The following FNDC4 variants were observed in gnomAD, a reference collection of about 807,000 sequenced individuals.
FNDC4 encodes the protein fibronectin type III domain containing 4.
Under a neutral mutation model 25.1 loss-of-function variants are expected in FNDC4, and 11 were observed. The ratio of observed to expected loss-of-function variants is 0.44; its 90% CI spans 0.28 to 0.73. The LOEUF (loss-of-function observed/expected upper bound fraction) is 0.73, where lower values mean the gene tolerates loss of function less well. Among genes scored for constraint, FNDC4 ranks in the 30% least tolerant of loss-of-function variants. The probability of loss-of-function intolerance (pLI) is 0.16; values close to 1 mark genes in which losing one functional copy is unlikely to be tolerated. For synonymous variants in FNDC4, 136 were observed against 118.8 expected, an observed-to-expected ratio of 1.14 and a Z score of -0.94; for missense variants, 250 against 304.3, an observed-to-expected ratio of 0.82 and a Z score of 1.33.
At position 27,494,084 on chromosome 2, in the gene FNDC4, G is replaced by A. The variant is rs902486387; in HGVS notation, c.300C>T (p.Thr100=). The part of the protein sequence containing the change: ...QRVIREVNTT[T]RACALWGLAE... ...CCAGGCCCCAGAGGGCACAGGCCCG[G>A]GTGGTGGTGTTCACCTCCCGAATCA... The change falls in exon 4 of 7, where the codon ACC becomes ACT. Residue 100 remains threonine, a synonymous_variant. Coordinates refer to ENST00000264703, the MANE Select transcript of FNDC4 (RefSeq NM_022823.3). The surrounding 1 kb of genome is among the most constrained non-coding windows in gnomAD (Gnocchi z 4.6). The A allele has an allele frequency of 4.3e-6, 7 of 1,614,174 alleles. No homozygotes were observed. In the East Asian group the frequency reaches 1.6e-4, roughly 36 times the overall value.
chr2:27,493,867 GAAGT>G (rs749858488), intron 4 of FNDC4, 59 bp downstream of exon 4: 18 of 1,433,376 alleles, frequency 1.3e-5, no homozygotes, highest in Middle Eastern at 1.8e-4. Flanking sequence ...TTGTCTTGGG[GAAGT>G]AAGTAAGAGG....
chr2:27,493,369 C>G lies in FNDC4; in HGVS notation c.544+20G>C. 1 of 1,603,140 alleles carries G rather than the reference C, an allele frequency of 6.2e-7. No individual in the cohort carries two copies. Among genetic ancestry groups the G allele is most frequent in the Non-Finnish European group, 8.5e-7 (1 of 1,170,196 alleles). ...ACACCTTTACTGAGTCCCTGGTCCC[C>G]TGTCTAGCTGCTTACTCACCAGCCC... is the stretch of plus-strand genomic sequence containing the variant. On this transcript the variant is annotated intron_variant, in intron 5 of 6. Coordinates refer to ENST00000264703, the MANE Select transcript of FNDC4 (RefSeq NM_022823.3).
Position 27,494,908 on chromosome 2 carries a change from C to T in FNDC4, c.-55G>A. On this transcript the variant is annotated 5_prime_UTR_variant, in exon 1 of 7. Transcript: ENST00000264703. The surrounding 1 kb of genome is among the most constrained non-coding windows in gnomAD (Gnocchi z 4.6). ...CCGGTCCTCGCGGTTGGTCAGGCCT[C>T]GGGGGGCTGCTCGGTGCCCAGAGGG... 2 of 452,982 alleles carry T rather than the reference C, an allele frequency of 4.4e-6. No homozygotes were observed. The highest frequency in any genetic ancestry group is 3.7e-5 in the East Asian group (1 of 27,024). The allele number at this position is 452,982 out of a possible 1,614,324, so 28.1% of individuals were successfully genotyped here. A position where few individuals can be genotyped will look rare whatever the true frequency, so the allele number is the denominator to read the frequency against.
At position 27,494,228 on chromosome 2, in the gene FNDC4, G is replaced by A. The variant is rs1669325914; in HGVS notation, c.250-94C>T. On this transcript the variant is annotated intron_variant, in intron 3 of 6. Coordinates refer to ENST00000264703, the MANE Select transcript of FNDC4 (RefSeq NM_022823.3). The surrounding 1 kb of genome is among the most constrained non-coding windows in gnomAD (Gnocchi z 4.6). ...CTCTTCAACATCCAAGCACTCCGGG[G>A]GAGTAGCGTGAAAAGGGCAGCCTGA... 7.0e-7 allele frequency: 1 copy of A among 1,421,678 alleles called. No individual in the cohort carries two copies. The highest frequency in any genetic ancestry group is 9.8e-7 in the Non-Finnish European group (1 of 1,021,638). The allele number at this position is 1,421,678 out of a possible 1,614,324, so 88.1% of individuals were successfully genotyped here.
In FNDC4 at chr2:27,494,904, G is replaced by T. The variant is rs2148575437; in HGVS notation, c.-51C>A. The stretch of plus-strand genomic sequence containing the variant: ...TCCGCCGGTCCTCGCGGTTGGTCAG[G>T]CCTCGGGGGGCTGCTCGGTGCCCAG... On this transcript the variant is annotated 5_prime_UTR_variant, in exon 1 of 7. Coordinates refer to ENST00000264703, the MANE Select transcript of FNDC4 (RefSeq NM_022823.3). This position sits in a 1 kb window ranked among gnomAD's most constrained non-coding sequence, Gnocchi z 4.6. 2.0e-5 allele frequency: 9 copies of T among 458,318 alleles called. No individual in the cohort carries two copies. In the South Asian group the frequency reaches 3.7e-4, roughly 19 times the overall value. The allele number at this position is 458,318 out of a possible 1,614,324, so 28.4% of individuals were successfully genotyped here.
intron 4 of FNDC4, 128 bp from the exon 5 acceptor site, chr2:27,493,606 GCCCCTC>G: frequency 3.6e-6 from 3 of 834,430 alleles, no homozygotes; most frequent in Non-Finnish European, 4.0e-6. Context: ...GTGTAGGGTA[GCCCCTC>G]CCTGGGAGGA....
Position 27,494,688 on chromosome 2 carries a change from C to A in FNDC4, c.-9G>T. The A allele has an allele frequency of 6.5e-7, 1 of 1,531,874 alleles. No individual in the cohort carries two copies. The allele number at this position is 1,531,874 out of a possible 1,614,324, so 94.9% of individuals were successfully genotyped here. On this transcript the variant is annotated 5_prime_UTR_variant, in exon 2 of 7. An upstream start codon of the reference 5' UTR is lost. Transcript: ENST00000264703. This position sits in a 1 kb window ranked among gnomAD's most constrained non-coding sequence, Gnocchi z 4.6. ...TGGCATCCGCTTGGCATCCGCTTGA[C>A]ATCCAGGCGGGGCTCCTGGAGATGG...
In FNDC4 at chr2:27,494,633, TC is replaced by T; in HGVS notation, c.46del (p.Asp16ThrfsTer12). ...HSSPPSGLRG[D>X]MASLVPLSPY... ...GGAAAGGGGCACCAGCGAAGCCATG[TC>T]CCCACGGAGTCCGCTGGGGGGGGAA... On this transcript the variant is annotated frameshift_variant, in exon 2 of 7. Coordinates refer to ENST00000264703, the MANE Select transcript of FNDC4 (RefSeq NM_022823.3). LOFTEE classifies it high-confidence loss of function. This position sits in a 1 kb window ranked among gnomAD's most constrained non-coding sequence, Gnocchi z 4.6. 2.5e-6 allele frequency: 4 copies of T among 1,600,690 alleles called. No homozygotes were observed. The highest frequency in any genetic ancestry group is 3.4e-6 in the Non-Finnish European group (4 of 1,174,624).
chr2:27,492,439 T>C lies in FNDC4; in HGVS notation c.*4A>G. On this transcript the variant is annotated 3_prime_UTR_variant, in exon 7 of 7. Transcript: ENST00000264703. The surrounding 1 kb of genome is among the most constrained non-coding windows in gnomAD (Gnocchi z 4.1). The stretch of plus-strand genomic sequence containing the variant: ...GCATCTCTCTTCTGGGTGTGTTTCT[T>C]CACTCAAACGTCGATGGTGTTGATA... 1 of 1,614,164 alleles carries C rather than the reference T, an allele frequency of 6.2e-7. No individual in the cohort carries two copies. The highest frequency in any genetic ancestry group is 8.5e-7 in the Non-Finnish European group (1 of 1,180,010).
In FNDC4 at chr2:27,494,659, A is replaced by T; in HGVS notation, c.21T>A (p.Ser7Arg). 2 of 1,569,914 alleles carry T rather than the reference A, an allele frequency of 1.3e-6. No homozygotes were observed. MPSGCHSSPPSGLRGDM... is the reference protein window; with the variant it reads MPSGCHRSPPSGLRGDM... ...CCCCACGGAGTCCGCTGGGGGGGGA[A>T]CTGTGGCATCCGCTTGGCATCCGCT... is the stretch of plus-strand genomic sequence containing the variant. Residue 7 changes from serine to arginine, a missense_variant, in exon 2 of 7, where the codon AGT becomes AGA. Physicochemically the swap from Ser to Arg is moderately radical, Grantham distance 110. Coordinates refer to ENST00000264703, the MANE Select transcript of FNDC4 (RefSeq NM_022823.3). The surrounding 1 kb of genome is among the most constrained non-coding windows in gnomAD (Gnocchi z 4.6).
chr2:27,492,340 T>A lies in FNDC4; in HGVS notation c.*103A>T, dbSNP rs8395. ...CAGGCCTGAGATTGTGGGAGTGGCA[T>A]TACCCTCTGGGAGTCTCGGGCAGAT... is the stretch of plus-strand genomic sequence containing the variant. On this transcript the variant is annotated 3_prime_UTR_variant, in exon 7 of 7. Transcript: ENST00000264703. This position sits in a 1 kb window ranked among gnomAD's most constrained non-coding sequence, Gnocchi z 4.1. 0.39 allele frequency: 546,839 copies of A among 1,402,616 alleles called. 110,556 individuals carry two copies. The highest frequency in any genetic ancestry group is 0.52 in the Admixed American group (30,991 of 59,466). The allele number at this position is 1,402,616 out of a possible 1,614,324, so 86.9% of individuals were successfully genotyped here.
In FNDC4 at chr2:27,492,535, T is replaced by C. The variant is rs2148573523; in HGVS notation, c.670-57A>G. 6 of 1,594,910 alleles carry C rather than the reference T, an allele frequency of 3.8e-6. No homozygotes were observed. In the East Asian group the frequency reaches 1.1e-4, roughly 30 times the overall value. ...CAGGAAGGTAATAGGTGCCACCCTTTCTCTCCAGCCTCCCCCATCCCAGAT... is the reference window on the plus strand; with the variant it reads ...CAGGAAGGTAATAGGTGCCACCCTTCCTCTCCAGCCTCCCCCATCCCAGAT... On this transcript the variant is annotated intron_variant, in intron 6 of 6. Coordinates refer to ENST00000264703, the MANE Select transcript of FNDC4 (RefSeq NM_022823.3). The surrounding 1 kb of genome is among the most constrained non-coding windows in gnomAD (Gnocchi z 4.1).
At chr2:27,493,368 C>T in intron 5 of FNDC4, 21 bp downstream of exon 5, 1 of 1,600,194 alleles carries the variant, frequency 6.2e-7, no homozygotes, top group Non-Finnish European at 8.6e-7. Flanking sequence ...TCCCTGGTCC[C>T]CTGTCTAGCT....
rs1558429998 is a variant in FNDC4 at position 27,494,278 on chromosome 2, C to T, written c.249+73G>A. On this transcript the variant is annotated intron_variant, in intron 3 of 6. Transcript: ENST00000264703. This position sits in a 1 kb window ranked among gnomAD's most constrained non-coding sequence, Gnocchi z 4.6. ...AGCCAGGATACGCCAGCTTCCAGAT[C>T]CCCCCCACTTAAGTGAAGAAATGTG... 3.5e-6 allele frequency: 5 copies of T among 1,420,664 alleles called. No homozygotes were observed. The South Asian group carries it at 3.5e-5, about 10-fold the overall frequency. The allele number at this position is 1,420,664 out of a possible 1,614,324, so 88.0% of individuals were successfully genotyped here. A position where few individuals can be genotyped will look rare whatever the true frequency, so the allele number is the denominator to read the frequency against.
At position 27,494,770 on chromosome 2, in the gene FNDC4, G is replaced by T. The variant is rs1334886553; in HGVS notation, c.-24-67C>A. ...AACGCACGGAGGTCGGGGGGCAGCA[G>T]CTCTCCTGGGCTCCCCACAGCTCAC... On this transcript the variant is annotated intron_variant, in intron 1 of 6. Coordinates refer to ENST00000264703, the MANE Select transcript of FNDC4 (RefSeq NM_022823.3). This position sits in a 1 kb window ranked among gnomAD's most constrained non-coding sequence, Gnocchi z 4.6. 8 of 675,806 alleles carry T rather than the reference G, an allele frequency of 1.2e-5. No individual in the cohort carries two copies. Among genetic ancestry groups the T allele is most frequent in the Non-Finnish European group, 2.0e-5 (8 of 403,552 alleles). The allele number at this position is 675,806 out of a possible 1,614,324, so 41.9% of individuals were successfully genotyped here. A position where few individuals can be genotyped will look rare whatever the true frequency, so the allele number is the denominator to read the frequency against.
Position 27,492,575 on chromosome 2 carries a change from CT to C in FNDC4, c.669+90del. The C allele has an allele frequency of 1.9e-6, 3 of 1,601,496 alleles. No homozygotes were observed. In the Admixed American group the frequency reaches 5.0e-5, roughly 27 times the overall value. Reference sequence around the variant, plus strand: ...CCATCCCAGATCTTCCATTCTCCATCTTTTTCTGCCCCTCTTTGACCTTCTT... The same window carrying C: ...CCATCCCAGATCTTCCATTCTCCATCTTTTCTGCCCCTCTTTGACCTTCTT... On this transcript the variant is annotated intron_variant, in intron 6 of 6. Coordinates refer to ENST00000264703, the MANE Select transcript of FNDC4 (RefSeq NM_022823.3). This position sits in a 1 kb window ranked among gnomAD's most constrained non-coding sequence, Gnocchi z 4.1.
At position 27,492,305 on chromosome 2, in the gene FNDC4, G is replaced by A; in HGVS notation, c.*138C>T. On this transcript the variant is annotated 3_prime_UTR_variant, in exon 7 of 7. Coordinates refer to ENST00000264703, the MANE Select transcript of FNDC4 (RefSeq NM_022823.3). The surrounding 1 kb of genome is among the most constrained non-coding windows in gnomAD (Gnocchi z 4.1). The stretch of plus-strand genomic sequence containing the variant: ...TCTGGCTCTGCTCACAGTGGAAAGA[G>A]GATGGGTACCAGGCCTGAGATTGTG... 4 of 1,053,246 alleles carry A rather than the reference G, an allele frequency of 3.8e-6. No homozygotes were observed. Among genetic ancestry groups the A allele is most frequent in the Non-Finnish European group, 5.9e-6 (4 of 678,740 alleles). 65.2% of individuals were successfully genotyped at this position (1,053,246 alleles called of 1,614,324 possible). A position where few individuals can be genotyped will look rare whatever the true frequency, so the allele number is the denominator to read the frequency against.
rs1395694493 is a variant in FNDC4 at position 27,493,952 on chromosome 2, T to C, written c.432A>G (p.Leu144=). 4 of 1,614,220 alleles carry C rather than the reference T, an allele frequency of 2.5e-6. No individual in the cohort carries two copies. In the East Asian group the frequency reaches 6.7e-5, roughly 27 times the overall value. Residue 144 remains leucine, a synonymous_variant, in exon 4 of 7, where the codon CTA becomes CTG. Coordinates refer to ENST00000264703, the MANE Select transcript of FNDC4 (RefSeq NM_022823.3). ...HFRTLKGSDR[L]PSNSSSPGDI... ...CACCTGGGCTTGAACTGTTTGAAGG[T>C]AGCCGGTCAGAACCCTTGAGAGTTC... is the stretch of plus-strand genomic sequence containing the variant.
At position 27,494,380 on chromosome 2, in the gene FNDC4, T is replaced by C. The variant is rs1572854672; in HGVS notation, c.220A>G (p.Ile74Val). The C allele has an allele frequency of 6.2e-7, 1 of 1,613,876 alleles. No individual in the cohort carries two copies. Among genetic ancestry groups the C allele is most frequent in the Non-Finnish European group, 8.5e-7 (1 of 1,179,748 alleles). ...TVSWDVPEGN[I>V]VIGYSISQQR... is the part of the protein sequence containing the mutation. ...TGGGAAATGGAGTAGCCAATGACGA[T>C]GTTGCCTTCTGGGACGTCCCAGGAC... The change falls in exon 3 of 7, where the codon ATC becomes GTC. Residue 74 changes from isoleucine (I) to valine (V), a missense_variant. Ile to Val is a conservative substitution (Grantham distance 29). Transcript: ENST00000264703. The surrounding 1 kb of genome is among the most constrained non-coding windows in gnomAD (Gnocchi z 4.6).
Sources: gnomAD v4.1 joint callset for allele counts on GRCh38, gnomAD v4.1.1 for gene constraint, Gnocchi (gnomAD v3.1) non-coding constraint, MANE v1.5 for transcripts, NCBI Gene and HGNC (gene_info 2026-07-23, HGNC 2026-07-21) for gene names.